The following GLI3 variants were observed in gnomAD, a reference collection of about 807,000 sequenced individuals.
GLI3 encodes transcription activator GLI3.
In GLI3, 20 loss-of-function variants were observed where a neutral mutation model predicts 100.8. The ratio of observed to expected loss-of-function variants is 0.20; its 90% confidence interval spans 0.14 to 0.29. GLI3 has a LOEUF of 0.29. GLI3 is among the 10% of genes least tolerant of loss of function. GLI3 has a pLI of 1.00. For missense variants in GLI3, 2,040 were observed against 2,128.5 expected, an observed-to-expected ratio of 0.96 and a Z score of 0.82; for synonymous variants, 938 against 860.5, an observed-to-expected ratio of 1.09 and a Z score of -1.58.
chr7:42,053,657 T>C (rs1331256928), intron 4 of GLI3, among the ~76,000 whole-genome samples: 1 of 152,168 alleles, frequency 6.6e-6, no homozygotes, highest in Non-Finnish European at 1.5e-5. Context: ...GATCACCGCT[T>C]TCGGTCTTTG....
At chr7:42,264,082 G>C (rs1255141673) in exon 1 of GLI3, among the ~76,000 whole-genome samples, 1 of 152,166 alleles carries the variant, frequency 6.6e-6, no homozygotes, top group African/African-American at 2.4e-5. Flanking sequence ...GGGCTGTCCA[G>C]GCATCCAGCA....
chr7:42,219,063 G>A (rs559342920), intron 2 of GLI3, among the ~76,000 whole-genome samples: 3 of 152,248 alleles, frequency 2.0e-5, no homozygotes, highest in African/African-American at 7.2e-5. Flanking sequence ...AGCTTATGAA[G>A]TAATGCATCT....
At chr7:42,036,299 T>C (rs1789435984) in intron 7 of GLI3, among the ~76,000 whole-genome samples, 1 of 152,240 alleles carries the variant, frequency 6.6e-6, no homozygotes, top group African/African-American at 2.4e-5. Context: ...TCATCCACCA[T>C]GTAGAAACTT....
intron 2 of GLI3, among the ~76,000 whole-genome samples, chr7:42,187,137 G>C (rs1206159836): frequency 2.6e-5 from 4 of 151,624 alleles, no homozygotes; most frequent in Middle Eastern, 3.2e-3. Context: ...CTTGAGCCTG[G>C]GAGGTTGAGG....
intron 3 of GLI3, chr7:42,113,742 C>T: frequency 1.7e-6 from 1 of 588,126 alleles, no homozygotes; most frequent in Non-Finnish European, 3.1e-6. Flanking sequence ...GTTGTTAGCA[C>T]ACAGAACACT....
intron 3 of GLI3, among the ~76,000 whole-genome samples, chr7:42,107,538 G>C (rs1785604416): frequency 6.6e-6 from 1 of 152,206 alleles, no homozygotes; most frequent in South Asian, 2.1e-4. Context: ...TTCTGCCCTT[G>C]CTGACTGAGA....
rs147067975 is a variant in GLI3 at position 42,078,015 on chromosome 7, C to A, written c.368-1158G>T. Among the ~76,000 whole-genome samples, 1,435 of 152,320 alleles carry A rather than the reference C, an allele frequency of 9.4e-3. 17 individuals carry two copies. The highest frequency in any genetic ancestry group is 0.029 in the Admixed American group (444 of 15,298). On this transcript the variant is annotated intron_variant, in intron 3 of 14. Coordinates refer to ENST00000395925, the MANE Select transcript of GLI3 (RefSeq NM_000168.6). ...TGTACACCCACAAGCCTCAGAATGG[C>A]TTCCAGTTATTTCACCCTAGTGCTG...
chr7:41,968,739 A>G (rs554475068), intron 13 of GLI3, among the ~76,000 whole-genome samples: 47 of 133,152 alleles, frequency 3.5e-4, no homozygotes, highest in African/African-American at 1.0e-3. Context: ...AAAGAAAGAA[A>G]GAAAGAAAGA....
intron 3 of GLI3, among the ~76,000 whole-genome samples, chr7:42,097,939 C>T (rs1479038895): frequency 6.6e-6 from 1 of 152,168 alleles, no homozygotes; most frequent in Non-Finnish European, 1.5e-5. Context: ...TGAGAACTTA[C>T]TGGCCTTATT....
intron 4 of GLI3, among the ~76,000 whole-genome samples, chr7:42,064,206 T>C (rs753950543): frequency 3.5e-4 from 53 of 152,072 alleles, no homozygotes; most frequent in Non-Finnish European, 6.2e-4. Context: ...GGGAGAAAAA[T>C]GGCATGTGGG....
At chr7:42,010,753 C>G (rs1326491989) in intron 10 of GLI3, among the ~76,000 whole-genome samples, 1 of 152,132 alleles carries the variant, frequency 6.6e-6, no homozygotes, top group African/African-American at 2.4e-5. Flanking sequence ...CACCAAGCAG[C>G]CATTAAAACA....
chr7:42,196,125 T>C (rs1025674871), intron 2 of GLI3, among the ~76,000 whole-genome samples: 1 of 152,196 alleles, frequency 6.6e-6, no homozygotes, highest in Non-Finnish European at 1.5e-5. Flanking sequence ...ATCCCCAAGA[T>C]TCTTCAGAAG....
At chr7:42,117,203 G>A (rs1386139535) in intron 3 of GLI3, among the ~76,000 whole-genome samples, 1 of 152,222 alleles carries the variant, frequency 6.6e-6, no homozygotes, top group Non-Finnish European at 1.5e-5. Context: ...AGAAGGACAG[G>A]AGGGAGGAGA....
At chr7:42,151,868 T>G (rs1045760938) in intron 2 of GLI3, 5 of 151,204 alleles carry the variant, frequency 3.3e-5, no homozygotes, top group African/African-American at 1.2e-4. Context: ...GCAAGTGACA[T>G]CAAGTCAGAT....
chr7:42,009,799 C>T (rs1046041731), intron 10 of GLI3, among the ~76,000 whole-genome samples: 5 of 152,174 alleles, frequency 3.3e-5, no homozygotes, highest in Non-Finnish European at 5.9e-5. Flanking sequence ...AGGAAGTGAG[C>T]TGCTTGCTTT....
chr7:42,051,141 G>A (rs536780442), intron 4 of GLI3, among the ~76,000 whole-genome samples: 10 of 152,126 alleles, frequency 6.6e-5, no homozygotes, highest in East Asian at 3.8e-4. Context: ...TGGGCTCTAC[G>A]GTCCTTTTAC....
chr7:42,229,759 C>G (rs1788657857), intron 1 of GLI3, among the ~76,000 whole-genome samples: 1 of 151,974 alleles, frequency 6.6e-6, no homozygotes, highest in Non-Finnish European at 1.5e-5. Flanking sequence ...ATAAATAAAT[C>G]CTTTAGAAAG....
At chr7:42,228,749 CCTT>C (rs1215717972) in intron 1 of GLI3, among the ~76,000 whole-genome samples, 1 of 152,200 alleles carries the variant, frequency 6.6e-6, no homozygotes, top group East Asian at 1.9e-4. Flanking sequence ...GTCGAATTCA[CCTT>C]CTATGAACCT....
chr7:42,118,283 T>C (rs1000718160), intron 3 of GLI3: 1 of 398,728 alleles, frequency 2.5e-6, no homozygotes, highest in Non-Finnish European at 4.4e-6. Flanking sequence ...GTCCTAACTA[T>C]GGACTAAGCA....
Sources: gnomAD v4.1 joint callset for allele counts (sites outside exome capture counted in the v4.1 genomes callset) on GRCh38, gnomAD v4.1.1 for gene constraint, MANE v1.5 for transcripts, NCBI Gene and HGNC (gene_info 2026-07-23, HGNC 2026-07-21) for gene names.